C8orf34: variants seen among roughly 807,000 people sequenced by gnomAD.
C8orf34 encodes uncharacterized protein C8orf34.
A neutral mutation model predicts 68.3 loss-of-function variants in C8orf34; 65 were observed. The observed-to-expected ratio is 0.95, with a 90% CI of 0.78 to 1.17. C8orf34 has a LOEUF of 1.17. Among genes scored for constraint, C8orf34 ranks in the 50% most tolerant of loss-of-function variants. C8orf34 has a pLI of 0.00. For synonymous variants in C8orf34, 244 were observed against 241.2 expected, an observed-to-expected ratio of 1.01 and a Z score of -0.11; for missense variants, 664 against 655.4, an observed-to-expected ratio of 1.01 and a Z score of -0.14.
At chr8:68,727,530 G>A (rs572231846) in intron 10 of C8orf34, among the ~76,000 whole-genome samples, 1 of 152,326 alleles carries the variant, frequency 6.6e-6, no homozygotes, top group East Asian at 1.9e-4. Context: ...CTGTGTGGGG[G>A]CTCCACCCCT....
Position 68,810,424 on chromosome 8 carries a change from C to A in C8orf34, c.1550-5462C>A, listed in dbSNP as rs138232300. On this transcript the variant is annotated intron_variant, in intron 12 of 13. Coordinates refer to ENST00000518698, the MANE Select transcript of C8orf34 (RefSeq NM_052958.4). Reference sequence around the variant, plus strand: ...TTGGAGATGCCAGGAACCACAGAGCCCCAAAGAGGGTGTCAAAGCTCTGGC... The same window carrying A: ...TTGGAGATGCCAGGAACCACAGAGCACCAAAGAGGGTGTCAAAGCTCTGGC... Among the ~76,000 whole-genome samples, 19 of 152,282 alleles carry A rather than the reference C, an allele frequency of 1.2e-4. No individual in the cohort carries two copies. The East Asian group carries it at 3.7e-3, about 29-fold the overall frequency.
chr8:68,480,548 G>A (rs1812816172), intron 4 of C8orf34, among the ~76,000 whole-genome samples: 1 of 152,198 alleles, frequency 6.6e-6, no homozygotes, highest in South Asian at 2.1e-4. Flanking sequence ...AGGAAAATGT[G>A]TGAAAGTTTG....
At chr8:68,353,926 G>A (rs1806631660) in intron 1 of C8orf34, among the ~76,000 whole-genome samples, 1 of 151,804 alleles carries the variant, frequency 6.6e-6, no homozygotes, top group Non-Finnish European at 1.5e-5. Flanking sequence ...AGATCTGTGG[G>A]TTTGATATTC....
At chr8:68,745,265 A>G (rs922658006) in intron 10 of C8orf34, among the ~76,000 whole-genome samples, 1 of 152,194 alleles carries the variant, frequency 6.6e-6, no homozygotes, top group Non-Finnish European at 1.5e-5. Flanking sequence ...AACTGGTGCC[A>G]GCCGCTGCAA....
chr8:68,340,039 C>T (rs910906975), intron 1 of C8orf34, among the ~76,000 whole-genome samples: 2 of 152,028 alleles, frequency 1.3e-5, no homozygotes, highest in Non-Finnish European at 2.9e-5. Context: ...TGCTCAATAT[C>T]ATTAGGGAAA....
At chr8:68,693,164 C>T (rs770393254) in intron 8 of C8orf34, among the ~76,000 whole-genome samples, 5 of 152,002 alleles carry the variant, frequency 3.3e-5, no homozygotes, top group Non-Finnish European at 5.9e-5. Flanking sequence ...TCTATCTTAA[C>T]GATTAAGTAC....
At chr8:68,462,090 A>C (rs1472997075) in intron 3 of C8orf34, among the ~76,000 whole-genome samples, 3 of 152,120 alleles carry the variant, frequency 2.0e-5, no homozygotes, top group Admixed American at 1.3e-4. Flanking sequence ...AAAAGGATGG[A>C]GGAAGATCTA....
intron 3 of C8orf34, chr8:68,447,307 A>T (rs1811166094): frequency 6.6e-6 from 1 of 152,094 alleles, no homozygotes; most frequent in Admixed American, 6.6e-5. Context: ...ACCAGGCCCC[A>T]CCTCCGATAT....
intron 1 of C8orf34, among the ~76,000 whole-genome samples, chr8:68,361,112 G>A (rs1264949310): frequency 1.3e-5 from 2 of 152,068 alleles, no homozygotes; most frequent in African/African-American, 4.8e-5. Flanking sequence ...CTTTGAGATG[G>A]AGATTTGCAG....
intron 8 of C8orf34, among the ~76,000 whole-genome samples, chr8:68,686,914 A>G (rs1345563769): frequency 6.6e-6 from 1 of 152,144 alleles, no homozygotes; most frequent in African/African-American, 2.4e-5. Flanking sequence ...TCTGATAAAC[A>G]AATTCAGTAG....
intron 10 of C8orf34, among the ~76,000 whole-genome samples, chr8:68,741,658 CTT>C (rs2129527266): frequency 6.6e-6 from 1 of 152,210 alleles, no homozygotes; most frequent in East Asian, 1.9e-4. Context: ...TCCTTCAACT[CTT>C]TTATCTCCAT....
intron 7 of C8orf34, among the ~76,000 whole-genome samples, chr8:68,553,642 G>A (rs559399845): frequency 2.4e-4 from 37 of 151,986 alleles, no homozygotes; most frequent in African/African-American, 4.8e-4. Flanking sequence ...ATTTGTCGGC[G>A]TACACTTGTT....
intron 6 of C8orf34, among the ~76,000 whole-genome samples, chr8:68,523,662 T>C (rs1453563510): frequency 1.3e-5 from 2 of 152,134 alleles, no homozygotes; most frequent in African/African-American, 4.8e-5. Flanking sequence ...AACCATGGGC[T>C]AGAAACTATA....
At chr8:68,780,884 C>T (rs1823655767) in intron 11 of C8orf34, among the ~76,000 whole-genome samples, 3 of 152,112 alleles carry the variant, frequency 2.0e-5, no homozygotes, top group Non-Finnish European at 2.9e-5. Flanking sequence ...TTCATTTTAA[C>T]GGAAGTGATT....
intron 1 of C8orf34, among the ~76,000 whole-genome samples, chr8:68,373,556 C>G (rs951992368): frequency 1.3e-5 from 2 of 152,194 alleles, no homozygotes; most frequent in Non-Finnish European, 2.9e-5. Context: ...CCTCTGTTCT[C>G]AGCTTTAATG....
chr8:68,467,554 T>A (rs941980975), intron 3 of C8orf34, among the ~76,000 whole-genome samples: 1 of 152,032 alleles, frequency 6.6e-6, no homozygotes. Context: ...AGACTGTCTT[T>A]CACTATCTTC....
intron 7 of C8orf34, among the ~76,000 whole-genome samples, chr8:68,550,203 G>A (rs147448421): frequency 0.013 from 2,003 of 151,596 alleles, 18 homozygotes; most frequent in Non-Finnish European, 0.019. Context: ...GGTTTTAACT[G>A]AGCATTTTAT....
intron 5 of C8orf34, among the ~76,000 whole-genome samples, chr8:68,492,261 G>A (rs1365423264): frequency 1.3e-5 from 2 of 151,800 alleles, no homozygotes; most frequent in Non-Finnish European, 2.9e-5. Flanking sequence ...ATGGGGTCTC[G>A]CTTTGTCACC....
In C8orf34 at chr8:68,616,641, T is replaced by C. The variant is rs1447876023; in HGVS notation, c.1106-23735T>C. Among the ~76,000 whole-genome samples, 7 of 152,312 alleles carry C rather than the reference T, an allele frequency of 4.6e-5. No homozygotes were observed. The East Asian group carries it at 1.3e-3, about 29-fold the overall frequency. On this transcript the variant is annotated intron_variant, in intron 7 of 13. Transcript: ENST00000518698. The stretch of plus-strand genomic sequence containing the variant: ...ATCCTGAGTTCTAGTTTGATTGCAC[T>C]GTGGTCTGAGAGACAGTTTGTTATA...
Sources: gnomAD v4.1 joint callset for allele counts (sites outside exome capture counted in the v4.1 genomes callset) on GRCh38, gnomAD v4.1.1 for gene constraint, MANE v1.5 for transcripts, NCBI Gene and HGNC (gene_info 2026-07-23, HGNC 2026-07-21) for gene names.